The following RALYL variants were observed in gnomAD, a reference collection of about 807,000 sequenced individuals.
RALYL encodes RNA-binding Raly-like protein.
A neutral mutation model predicts 35.1 loss-of-function variants in RALYL; 29 were observed. The observed-to-expected ratio is 0.83, with a 90% CI of 0.61 to 1.13. The LOEUF (loss-of-function observed/expected upper bound fraction) is 1.13, where lower values mean the gene tolerates loss of function less well. Among genes scored for constraint, RALYL ranks in the 50% most tolerant of loss-of-function variants. RALYL has a pLI of 0.00. For missense variants in RALYL, 359 were observed against 360.4 expected (o/e 1.00, Z 0.03); for synonymous variants, 120 against 127.6 (o/e 0.94, Z 0.40).
At chr8:84,889,051 G>A (rs1843386675) in intron 8 of RALYL, among the ~76,000 whole-genome samples, 1 of 152,102 alleles carries the variant, frequency 6.6e-6, no homozygotes, top group Admixed American at 6.6e-5. Flanking sequence ...TGCCCAGCCA[G>A]CACCTTCATT....
chr8:84,546,139 T>C (rs1316581144), intron 2 of RALYL, among the ~76,000 whole-genome samples: 1 of 151,916 alleles, frequency 6.6e-6, no homozygotes, highest in African/African-American at 2.4e-5. Flanking sequence ...AAAAGATATA[T>C]ATTTTTTTTT....
chr8:84,754,037 T>C (rs1810739111), intron 2 of RALYL, among the ~76,000 whole-genome samples: 1 of 152,008 alleles, frequency 6.6e-6, no homozygotes, highest in Non-Finnish European at 1.5e-5. Flanking sequence ...TTCTGGATAT[T>C]AGCCCTTTGT....
chr8:84,467,684 T>C (rs1004534934), intron 1 of RALYL, among the ~76,000 whole-genome samples: 2 of 152,002 alleles, frequency 1.3e-5, no homozygotes, highest in Non-Finnish European at 2.9e-5. Context: ...CTGAGTTCAA[T>C]TCCTGGGTAT....
At chr8:84,414,922 C>A (rs1172538966) in intron 1 of RALYL, among the ~76,000 whole-genome samples, 1 of 152,120 alleles carries the variant, frequency 6.6e-6, no homozygotes, top group Non-Finnish European at 1.5e-5. Context: ...ATCGGAAGCA[C>A]TTGAGACCCA....
At chr8:84,842,266 T>TA (rs1439460457) in intron 4 of RALYL, among the ~76,000 whole-genome samples, 17 of 151,924 alleles carry the variant, frequency 1.1e-4, no homozygotes. Context: ...ATAGACGCAA[T>TA]AAAAAATGAT....
chr8:84,673,945 T>C (rs897503769), intron 2 of RALYL, among the ~76,000 whole-genome samples: 1 of 152,234 alleles, frequency 6.6e-6, no homozygotes, highest in Non-Finnish European at 1.5e-5. Context: ...GTGAACAGCA[T>C]TGAATCTACA....
chr8:84,806,828 A>G (rs1000819785), intron 4 of RALYL, among the ~76,000 whole-genome samples: 9 of 152,134 alleles, frequency 5.9e-5, no homozygotes, highest in Admixed American at 1.3e-4. Flanking sequence ...GCTGGACAAC[A>G]TGGTGAAACA....
rs536124983 is a variant in RALYL, at chr8:84,848,635, A to C, written c.366-1345A>C. On this transcript the variant is annotated intron_variant, in intron 4 of 8. Transcript: ENST00000521268. ...TTTGTATTAATGACAGAGGCTGGAG[A>C]GGCAGGAATGGGAAGTTATTGTTTA... Among the ~76,000 whole-genome samples, 264 of 152,230 alleles carry C rather than the reference A, an allele frequency of 1.7e-3. 1 individual carries two copies. The highest frequency in any genetic ancestry group is 5.8e-3 in the African/African-American group (243 of 41,548).
At chr8:84,481,307 T>C (rs747629323) in intron 1 of RALYL, among the ~76,000 whole-genome samples, 2 of 152,182 alleles carry the variant, frequency 1.3e-5, no homozygotes, top group African/African-American at 2.4e-5. Context: ...TTTAGGTTTG[T>C]TGTAGAATTC....
At chr8:84,210,860 CT>C in intron 1 of RALYL, among the ~76,000 whole-genome samples, 1 of 146,796 alleles carries the variant, frequency 6.8e-6, no homozygotes, top group African/African-American at 2.6e-5. Context: ...CATGTCATAG[CT>C]AGCTCTGTGT....
chr8:84,654,306 T>C (rs1297233828), intron 2 of RALYL, among the ~76,000 whole-genome samples: 1 of 132,400 alleles, frequency 7.6e-6, no homozygotes, highest in African/African-American at 2.8e-5. Context: ...TATATATATA[T>C]ATATATATCA....
chr8:84,239,196 G>GT lies in RALYL; in HGVS notation c.-24+54777dup, dbSNP rs1254435176. 1.2e-4 allele frequency among the ~76,000 whole-genome samples: 18 copies of GT among 152,276 alleles called. 2 individuals carry two copies. In the South Asian group the frequency reaches 3.5e-3, roughly 30 times the overall value. On this transcript the variant is annotated intron_variant, in intron 1 of 8. Coordinates refer to ENST00000521268, the MANE Select transcript of RALYL (RefSeq NM_173848.7). ...CAGAAAATGCCTTAAACATTATGAT[G>GT]TTTTTATTATAGAGAACAGAAGAAA...
At chr8:84,626,564 T>C (rs952544985) in intron 2 of RALYL, among the ~76,000 whole-genome samples, 1 of 152,128 alleles carries the variant, frequency 6.6e-6, no homozygotes, top group Admixed American at 6.6e-5. Flanking sequence ...AAAAATTAAT[T>C]CAGTGAGTAT....
intron 1 of RALYL, among the ~76,000 whole-genome samples, chr8:84,410,459 A>G (rs1245081645): frequency 2.0e-5 from 3 of 151,978 alleles, no homozygotes; most frequent in African/African-American, 7.2e-5. Flanking sequence ...CATGTATTAG[A>G]CATAATAAGC....
chr8:84,366,690 G>A lies in RALYL; in HGVS notation c.-23-162609G>A, dbSNP rs1029286576. Among the ~76,000 whole-genome samples, 9 of 135,134 alleles carry A rather than the reference G, an allele frequency of 6.7e-5. No homozygotes were observed. The South Asian group carries it at 7.1e-4, about 11-fold the overall frequency. 88.7% of individuals were successfully genotyped at this position (135,134 alleles called of 152,430 possible). ...CTTGGGAGGCTGAGGCAAGAGAATC[G>A]CTTGAACCCAAGGAGTTGAGCCAAG... On this transcript the variant is annotated intron_variant, in intron 1 of 8. Transcript: ENST00000521268.
intron 8 of RALYL, among the ~76,000 whole-genome samples, chr8:84,919,832 T>C (rs1158926424): frequency 2.0e-5 from 3 of 152,082 alleles, no homozygotes; most frequent in Admixed American, 2.0e-4. Flanking sequence ...AGACAGGTAA[T>C]GTGCCAATAT....
intron 1 of RALYL, among the ~76,000 whole-genome samples, chr8:84,469,603 C>T (rs191737228): frequency 3.0e-4 from 45 of 152,196 alleles, no homozygotes; most frequent in African/African-American, 9.6e-4. Flanking sequence ...TTTGTTTGTG[C>T]CCTGCCCCCA....
At chr8:84,511,309 T>C (rs1287788704) in intron 1 of RALYL, among the ~76,000 whole-genome samples, 1 of 152,234 alleles carries the variant, frequency 6.6e-6, no homozygotes, top group African/African-American at 2.4e-5. Flanking sequence ...TATCTTCAGT[T>C]TGCATTCATG....
chr8:84,255,394 T>G (rs962325405), intron 1 of RALYL, among the ~76,000 whole-genome samples: 1 of 152,160 alleles, frequency 6.6e-6, no homozygotes, highest in African/African-American at 2.4e-5. Flanking sequence ...TTAAAAGATA[T>G]ATTGAATTTA....
Sources: allele counts gnomAD v4.1 joint callset (sites outside exome capture counted in the v4.1 genomes callset), GRCh38; gene constraint gnomAD v4.1.1; transcripts MANE v1.5; gene names NCBI Gene and HGNC (gene_info 2026-07-23, HGNC 2026-07-21).